PI4K2A: variants seen among roughly 807,000 people sequenced by gnomAD.
PI4K2A encodes phosphatidylinositol 4-kinase type 2 alpha.
PI4K2A carries 20 observed loss-of-function variants against 55.0 expected under a neutral mutation model. That is an observed-to-expected ratio of 0.36 (90% CI 0.26 to 0.53). PI4K2A has a LOEUF of 0.53. Ranked by LOEUF, PI4K2A falls within the 20% of genes least tolerant of loss-of-function variation. The probability of loss-of-function intolerance (pLI) is 0.91; values close to 1 mark genes in which losing one functional copy is unlikely to be tolerated. For missense variants in PI4K2A, 463 were observed against 637.1 expected (o/e 0.73, Z 2.94); for synonymous variants, 235 against 258.5 (o/e 0.91, Z 0.87).
intron 5 of PI4K2A, among the ~76,000 whole-genome samples, chr10:97,663,893 A>G (rs2041598248): frequency 6.6e-6 from 1 of 150,854 alleles, no homozygotes; most frequent in East Asian, 1.9e-4. Context: ...CAGTGGTGCT[A>G]TCCTAGCTCA....
At position 97,642,841 on chromosome 10, in the gene PI4K2A, TCCTTCCTTC is replaced by T. The variant is rs1564772241; in HGVS notation, c.435+1666_435+1674del. Among the ~76,000 whole-genome samples, 13 of 19,038 alleles carry T rather than the reference TCCTTCCTTC, an allele frequency of 6.8e-4. 1 individual carries two copies. Among genetic ancestry groups the T allele is most frequent in the Admixed American group, 2.8e-3 (5 of 1,812 alleles). 12.5% of individuals were successfully genotyped at this position (19,038 alleles called of 152,430 possible). A position where few individuals can be genotyped will look rare whatever the true frequency, so the allele number is the denominator to read the frequency against. ...TTCCTTCCTTCCTTCCTTCCTTCCT[TCCTTCCTTC>T]CTTTCTTTCTTTCTTTTTCTTTCTT... On this transcript the variant is annotated intron_variant, in intron 1 of 8. Coordinates refer to ENST00000370631, the Ensembl canonical transcript of PI4K2A.
At chr10:97,653,916 C>CA (rs112944042) in intron 2 of PI4K2A, among the ~76,000 whole-genome samples, 70,508 of 147,484 alleles carry the variant, frequency 0.48, 17,438 homozygotes, top group African/African-American at 0.65. Context: ...GACTCCGTCT[C>CA]AAAAAAAAAA....
chr10:97,650,529 G>A (rs146041393), intron 1 of PI4K2A, among the ~76,000 whole-genome samples: 2,663 of 151,986 alleles, frequency 0.018, 67 homozygotes, highest in African/African-American at 0.056. Context: ...TTATCCACCC[G>A]CCTTGGCCTC....
chr10:97,650,821 C>T, intron 1 of PI4K2A, 120 bp from the exon 2 acceptor site: 2 of 723,434 alleles, frequency 2.8e-6, no homozygotes, highest in East Asian at 5.2e-5. Flanking sequence ...CTGAGTCCAA[C>T]TGTAAGTAGG....
At chr10:97,651,654 G>T (rs117400681) in intron 2 of PI4K2A, among the ~76,000 whole-genome samples, 2,343 of 152,272 alleles carry the variant, frequency 0.015, 30 homozygotes, top group Non-Finnish European at 0.022. Flanking sequence ...GTCGAATTTT[G>T]GGACTTGTCT....
At chr10:97,660,294 C>T (rs2041575424) in intron 4 of PI4K2A, among the ~76,000 whole-genome samples, 2 of 141,382 alleles carry the variant, frequency 1.4e-5, no homozygotes, top group Non-Finnish European at 3.0e-5. Context: ...AGCCACCGCG[C>T]CCGGCCTTTT....
intron 8 of PI4K2A, among the ~76,000 whole-genome samples, chr10:97,667,919 G>A (rs1233566487): frequency 6.6e-6 from 1 of 152,242 alleles, no homozygotes; most frequent in Non-Finnish European, 1.5e-5. Flanking sequence ...CTGGGCACAT[G>A]AAGCACTCAC....
intron 1 of PI4K2A, among the ~76,000 whole-genome samples, chr10:97,647,555 A>G (rs2041511403): frequency 6.6e-6 from 1 of 152,200 alleles, no homozygotes; most frequent in African/African-American, 2.4e-5. Context: ...TGTCTAGGAA[A>G]GCCACCAAAT....
chr10:97,666,131 G>A (rs1249857531), intron 6 of PI4K2A, among the ~76,000 whole-genome samples: 1 of 152,140 alleles, frequency 6.6e-6, no homozygotes, highest in Non-Finnish European at 1.5e-5. Flanking sequence ...TGCAGCATTA[G>A]TCTTCCTTTT....
chr10:97,664,375 C>T (rs2041600481), intron 5 of PI4K2A, among the ~76,000 whole-genome samples: 1 of 152,320 alleles, frequency 6.6e-6, no homozygotes, highest in South Asian at 2.1e-4. Flanking sequence ...CCTTTTCATG[C>T]ACCACTGAAG....
At chr10:97,644,666 A>G (rs2041495436) in intron 1 of PI4K2A, among the ~76,000 whole-genome samples, 1 of 152,234 alleles carries the variant, frequency 6.6e-6, no homozygotes, top group African/African-American at 2.4e-5. Flanking sequence ...GCCATTTGGA[A>G]GAAGGAAAGG....
At chr10:97,649,305 A>G (rs946169909) in intron 1 of PI4K2A, among the ~76,000 whole-genome samples, 11 of 152,138 alleles carry the variant, frequency 7.2e-5, no homozygotes, top group African/African-American at 2.4e-4. Context: ...ATGTAAAACA[A>G]CCTCAGAGGG....
At chr10:97,673,715 C>T (rs750738964) in exon 9 of PI4K2A, 2 of 1,614,102 alleles carry the variant, frequency 1.2e-6, no homozygotes, top group Non-Finnish European at 1.7e-6. Context: ...GCTTTCAGAG[C>T]CGGAAGCCCT....
chr10:97,667,012 C>T, intron 7 of PI4K2A, 49 bp from the exon 8 acceptor site: 1 of 1,450,842 alleles, frequency 6.9e-7, no homozygotes, highest in Non-Finnish European at 9.6e-7. Context: ...AAATGGGTTC[C>T]TGTGAGGCAT....
intron 1 of PI4K2A, among the ~76,000 whole-genome samples, chr10:97,645,986 A>T (rs1177033407): frequency 6.6e-6 from 1 of 152,154 alleles, no homozygotes; most frequent in Non-Finnish European, 1.5e-5. Flanking sequence ...CAGTTCTTAG[A>T]GTGTGGCCCA....
chr10:97,640,816 G>T, exon 1 of PI4K2A: 1 of 1,463,776 alleles, frequency 6.8e-7, no homozygotes, highest in Non-Finnish European at 9.1e-7. Flanking sequence ...TCGGGCTCGG[G>T]CGCTCACTTT....
intron 4 of PI4K2A, among the ~76,000 whole-genome samples, chr10:97,660,699 A>T (rs1205934888): frequency 1.3e-5 from 2 of 151,706 alleles, no homozygotes; most frequent in Non-Finnish European, 2.9e-5. Context: ...TATAAAATAT[A>T]CTGAAATTTT....
At chr10:97,655,391 T>A (rs569733563) in intron 2 of PI4K2A, among the ~76,000 whole-genome samples, 3,445 of 100,268 alleles carry the variant, frequency 0.034, 139 homozygotes, top group African/African-American at 0.1. Flanking sequence ...AAAAAAAAAA[T>A]TTTTTTTCAA....
intron 2 of PI4K2A, among the ~76,000 whole-genome samples, chr10:97,652,530 G>A (rs1213832650): frequency 6.6e-6 from 1 of 151,862 alleles, no homozygotes; most frequent in Non-Finnish European, 1.5e-5. Context: ...TGAACTCCTG[G>A]GCTCAAGCTA....
Sources: allele counts gnomAD v4.1 joint callset (sites outside exome capture counted in the v4.1 genomes callset), GRCh38; gene constraint gnomAD v4.1.1; transcripts MANE v1.5; gene names NCBI Gene and HGNC (gene_info 2026-07-23, HGNC 2026-07-21).